Variants in GALNS observed in about 807,000 individuals in gnomAD.
GALNS encodes N-acetylgalactosamine-6-sulfatase.
Under a neutral mutation model 65.9 loss-of-function variants are expected in GALNS, and 65 were observed. The ratio of observed to expected loss-of-function variants is 0.99; its 90% CI spans 0.81 to 1.21. The LOEUF (loss-of-function observed/expected upper bound fraction) is 1.21, where lower values mean the gene tolerates loss of function less well. GALNS is among the 50% of genes most tolerant of loss of function. The pLI is 0.00. For synonymous variants in GALNS, 346 were observed against 288.9 expected (o/e 1.20, Z -2.00); for missense variants, 776 against 700.7 (o/e 1.11, Z -1.21).
intron 1 of GALNS, among the ~76,000 whole-genome samples, chr16:88,846,989 T>A (rs923122542): frequency 1.3e-5 from 2 of 152,130 alleles, no homozygotes; most frequent in Non-Finnish European, 2.9e-5. Flanking sequence ...TGGACACCTG[T>A]GGACACACCT....
chr16:88,830,130 C>G (rs890436793), intron 9 of GALNS, among the ~76,000 whole-genome samples: 5 of 149,070 alleles, frequency 3.4e-5, no homozygotes, highest in African/African-American at 1.2e-4. Context: ...ACTCGGGAGG[C>G]TGAGGCAGGA....
At chr16:88,834,609 G>A (rs1252212744) in intron 8 of GALNS, among the ~76,000 whole-genome samples, 6 of 134,712 alleles carry the variant, frequency 4.5e-5, no homozygotes, top group South Asian at 2.7e-4. Flanking sequence ...GGCCCCCCCC[G>A]TGTGGTCTGG....
chr16:88,823,946 A>G (rs117761386), intron 11 of GALNS, among the ~76,000 whole-genome samples: 2,402 of 152,306 alleles, frequency 0.016, 26 homozygotes, highest in Middle Eastern at 0.031. Flanking sequence ...GGGCCTGCAC[A>G]GGGTGGGGAG....
At chr16:88,826,497 G>A (rs550784162) in intron 10 of GALNS, among the ~76,000 whole-genome samples, 1 of 152,224 alleles carries the variant, frequency 6.6e-6, no homozygotes, top group East Asian at 1.9e-4. Flanking sequence ...CGCTGTGCTT[G>A]GACCCTCCCA....
chr16:88,816,323 T>A, intron 13 of GALNS: 9 of 985,122 alleles, frequency 9.1e-6, no homozygotes, highest in Non-Finnish European at 1.1e-5. Context: ...CGGAGTGGGA[T>A]TGGGTGTGGA....
At chr16:88,817,555 G>A in intron 13 of GALNS, 1 of 981,352 alleles carries the variant, frequency 1.0e-6, no homozygotes, top group Non-Finnish European at 1.2e-6. Flanking sequence ...GGACCCACCG[G>A]GCAGTGCCGT....
chr16:88,853,283 A>G (rs1967594369), intron 1 of GALNS, among the ~76,000 whole-genome samples: 1 of 151,130 alleles, frequency 6.6e-6, no homozygotes, highest in Admixed American at 6.6e-5. Context: ...AAAGGCCTAA[A>G]AGCCCCCAAA....
At chr16:88,842,609 G>A in intron 2 of GALNS, 97 bp downstream of exon 2, 2 of 1,473,440 alleles carry the variant, frequency 1.4e-6, no homozygotes, top group East Asian at 2.4e-5. Flanking sequence ...AATAGACAAG[G>A]TTGATGCAGC....
chr16:88,842,890 G>T, intron 1 of GALNS, 61 bp from the exon 2 acceptor site: 1 of 1,598,988 alleles, frequency 6.3e-7, no homozygotes, highest in Non-Finnish European at 8.5e-7. Context: ...CTGGCCTGGG[G>T]AGCTGCCCAT....
intron 1 of GALNS, 177 bp downstream of exon 1, chr16:88,856,581 A>ACC (rs113289677): frequency 1.0e-4 from 49 of 490,908 alleles, no homozygotes; most frequent in Non-Finnish European, 1.2e-4. Flanking sequence ...GCACGGGGAT[A>ACC]CCCCCCGTCC....
At chr16:88,824,246 G>A (rs998705628) in intron 11 of GALNS, among the ~76,000 whole-genome samples, 3 of 152,162 alleles carry the variant, frequency 2.0e-5, no homozygotes, top group Non-Finnish European at 4.4e-5. Flanking sequence ...GAGGGAGCAG[G>A]AGGCTTGAGG....
intron 9 of GALNS, among the ~76,000 whole-genome samples, chr16:88,830,834 G>A (rs1192615741): frequency 6.6e-6 from 1 of 152,006 alleles, no homozygotes; most frequent in African/African-American, 2.4e-5. Context: ...GGCTGCTGCT[G>A]TTCTCTGAGT....
chr16:88,833,187 G>A (rs1479603573), intron 8 of GALNS, among the ~76,000 whole-genome samples: 2 of 151,524 alleles, frequency 1.3e-5, no homozygotes, highest in South Asian at 2.1e-4. Context: ...ATCCAACCCC[G>A]AGCGGCAGCG....
intron 10 of GALNS, 53 bp downstream of exon 10, chr16:88,826,649 T>C: frequency 6.3e-7 from 1 of 1,593,738 alleles, no homozygotes; most frequent in Non-Finnish European, 8.6e-7. Context: ...TTAGCAGCTC[T>C]GGGCTTCACT....
At position 88,826,772 on chromosome 16, in the gene GALNS, G is replaced by T. The variant is rs1229847838; in HGVS notation, c.1069C>A (p.Pro357Thr). 6 of 1,608,486 alleles carry T rather than the reference G, an allele frequency of 3.7e-6. No individual in the cohort carries two copies. The African/African-American group carries it at 8.0e-5, about 21-fold the overall frequency. ...CCATCAATGGCCCTGTCGCTGGGCG[G>T]CGTCAGGCCCGCAAGGGCCAGGCTG... The part of the protein sequence containing the change: ...TTSLALAGLT[P>T]PSDRAIDGLN... Residue 357 changes from proline to threonine, a missense_variant, in exon 10 of 14, where the codon CCG becomes ACG. Transcript: ENST00000268695.
intron 3 of GALNS, 39 bp downstream of exon 3, chr16:88,841,858 G>A: frequency 1.9e-6 from 3 of 1,580,304 alleles, no homozygotes; most frequent in African/African-American, 1.3e-5. Context: ...GCCCAACCCT[G>A]CACCCCAAGG....
chr16:88,819,518 C>T (rs1328401337), intron 12 of GALNS, among the ~76,000 whole-genome samples: 1 of 135,488 alleles, frequency 7.4e-6, no homozygotes, highest in Non-Finnish European at 1.6e-5. Context: ...CGTGGCCTGG[C>T]TTGTTGCTTT....
chr16:88,832,189 C>A lies in GALNS; in HGVS notation c.899-88G>T, dbSNP rs1475758845. On this transcript the variant is annotated intron_variant, in intron 8 of 13. Coordinates refer to ENST00000268695, the MANE Select transcript of GALNS (RefSeq NM_000512.5). Reference sequence around the variant, plus strand: ...TCCCCACTGAGTCACTGAGACTGGTCATAGGGACAAAGGGCCCGGCCAAGG... The same window carrying A: ...TCCCCACTGAGTCACTGAGACTGGTAATAGGGACAAAGGGCCCGGCCAAGG... 3.3e-6 allele frequency: 4 copies of A among 1,225,914 alleles called. No homozygotes were observed. The South Asian group carries it at 3.8e-5, about 12-fold the overall frequency. The allele number at this position is 1,225,914 out of a possible 1,614,324, so 75.9% of individuals were successfully genotyped here.
rs2143001210 is a variant in GALNS at position 88,835,350 on chromosome 16, T to C, written c.761A>G (p.Tyr254Cys). ...ATCAATCTCCCGGACGGCGTCTCCATACCTGCAGGATGGTGACAAAAGGCA... is the reference window on the plus strand; with the variant it reads ...ATCAATCTCCCGGACGGCGTCTCCACACCTGCAGGATGGTGACAAAAGGCA... The part of the protein sequence containing the change: ...PFLGTSQRGR[Y>C]GDAVREIDDS... Residue 254 changes from tyrosine (Y) to cysteine (C), a missense_variant and splice_region_variant, in exon 8 of 14, where the codon TAT becomes TGT. By Grantham distance (194) the Tyr-to-Cys change is radical. Transcript: ENST00000268695. 6.8e-6 allele frequency: 11 copies of C among 1,613,594 alleles called. No homozygotes were observed. The highest frequency in any genetic ancestry group is 9.3e-6 in the Non-Finnish European group (11 of 1,179,852).
Sources: allele counts gnomAD v4.1 joint callset (sites outside exome capture counted in the v4.1 genomes callset), GRCh38; gene constraint gnomAD v4.1.1; transcripts MANE v1.5; gene names NCBI Gene and HGNC (gene_info 2026-07-23, HGNC 2026-07-21).